Variants in IDO2 observed in about 807,000 individuals in gnomAD.
IDO2 encodes indoleamine 2,3-dioxygenase-like 1 protein.
IDO2 carries 46 observed loss-of-function variants against 45.1 expected under a neutral mutation model. The observed-to-expected ratio is 1.02, with a 90% CI of 0.80 to 1.30. IDO2 has a LOEUF of 1.30. IDO2 is among the 50% of genes most tolerant of loss of function. The pLI is 0.00. For missense variants in IDO2, 544 were observed against 491.8 expected, an observed-to-expected ratio of 1.11 and a Z score of -1.00; for synonymous variants, 218 against 184.9, an observed-to-expected ratio of 1.18 and a Z score of -1.45.
chr8:39,960,193 G>T (rs1028634678), intron 2 of IDO2, among the ~76,000 whole-genome samples: 1 of 152,050 alleles, frequency 6.6e-6, no homozygotes, highest in African/African-American at 2.4e-5. Flanking sequence ...CTATGTTTAG[G>T]TTGAGGTCCC....
intron 1 of IDO2, among the ~76,000 whole-genome samples, chr8:39,938,343 T>C (rs2129592856): frequency 6.6e-6 from 1 of 152,268 alleles, no homozygotes; most frequent in Non-Finnish European, 1.5e-5. Flanking sequence ...ATTTTGTATA[T>C]AAATGAATTT....
intron 2 of IDO2, among the ~76,000 whole-genome samples, chr8:39,962,565 C>G (rs895025539): frequency 7.2e-5 from 11 of 152,166 alleles, no homozygotes; most frequent in Admixed American, 5.9e-4. Context: ...GATCTTGTCT[C>G]ATGACCAGGA....
At chr8:39,957,757 T>C (rs2729488) in intron 2 of IDO2, among the ~76,000 whole-genome samples, 2,636 of 152,340 alleles carry the variant, frequency 0.017, 76 homozygotes, top group African/African-American at 0.059. Flanking sequence ...TCAGAACAGC[T>C]TCTTTCCATC....
At chr8:39,993,294 C>T (rs1801975136) in intron 8 of IDO2, among the ~76,000 whole-genome samples, 1 of 151,308 alleles carries the variant, frequency 6.6e-6, no homozygotes, top group Non-Finnish European at 1.5e-5. Flanking sequence ...TAATGTTCTT[C>T]TTGGAAAAGG....
chr8:39,970,806 C>A (rs151330623), intron 3 of IDO2, among the ~76,000 whole-genome samples: 1 of 136,854 alleles, frequency 7.3e-6, no homozygotes. Flanking sequence ...CTCACTCTGT[C>A]GCCAGGCTGG....
chr8:39,996,959 G>A (rs1168467817), intron 8 of IDO2, among the ~76,000 whole-genome samples: 1 of 152,176 alleles, frequency 6.6e-6, no homozygotes, highest in East Asian at 1.9e-4. Context: ...AAGTTTAATA[G>A]GGCAGACAAT....
chr8:40,004,391 T>A (rs998805852), intron 8 of IDO2, among the ~76,000 whole-genome samples: 1 of 152,092 alleles, frequency 6.6e-6, no homozygotes, highest in Non-Finnish European at 1.5e-5. Context: ...ACATAAAAGA[T>A]GTAGATAAAT....
At chr8:39,986,426 A>T (rs1808423690) in intron 6 of IDO2, 1 of 152,190 alleles carries the variant, frequency 6.6e-6, no homozygotes, top group South Asian at 2.1e-4. Flanking sequence ...AGGTGAAGAC[A>T]TCATTTCCCA....
chr8:40,001,176 C>G (rs1394792538), intron 8 of IDO2, among the ~76,000 whole-genome samples: 3 of 150,862 alleles, frequency 2.0e-5, no homozygotes, highest in East Asian at 3.9e-4. Flanking sequence ...TTCTTTCTCT[C>G]TCTCTCTCTC....
chr8:39,977,277 A>G (rs552819758), intron 3 of IDO2, among the ~76,000 whole-genome samples: 1 of 152,374 alleles, frequency 6.6e-6, no homozygotes, highest in Admixed American at 6.5e-5. Flanking sequence ...GAATAAAACA[A>G]AAATGCCAAT....
rs946722241 is a variant in IDO2 at position 39,995,489 on chromosome 8, C to G, written c.667+5651C>G. The stretch of plus-strand genomic sequence containing the variant: ...TAGGGATGGGGTTTCACCATGTTGG[C>G]CAGGCTAGTCTCTAACTCCTGACCT... On this transcript the variant is annotated intron_variant, in intron 8 of 10. Transcript: ENST00000502986. Among the ~76,000 whole-genome samples, 26 of 151,798 alleles carry G rather than the reference C, an allele frequency of 1.7e-4. No individual in the cohort carries two copies. The East Asian group carries it at 4.9e-3, about 28-fold the overall frequency.
At chr8:40,007,452 T>G (rs1585421253) in intron 9 of IDO2, among the ~76,000 whole-genome samples, 1 of 151,914 alleles carries the variant, frequency 6.6e-6, no homozygotes, top group Admixed American at 6.6e-5. Context: ...GGGTGTATGG[T>G]TTATGGGGGA....
chr8:40,013,860 C>T, intron 10 of IDO2, 147 bp downstream of exon 10: 1 of 602,642 alleles, frequency 1.7e-6, no homozygotes, highest in Non-Finnish European at 2.7e-6. Flanking sequence ...GCATGACTGC[C>T]AATGTTTTTG....
At chr8:39,955,730 C>T (rs1807882633) in intron 2 of IDO2, among the ~76,000 whole-genome samples, 1 of 152,180 alleles carries the variant, frequency 6.6e-6, no homozygotes, top group Non-Finnish European at 1.5e-5. Flanking sequence ...GTCCCACCCT[C>T]TTTAGAAGTA....
intron 3 of IDO2, among the ~76,000 whole-genome samples, chr8:39,971,315 C>T (rs570313087): frequency 1.3e-5 from 2 of 152,292 alleles, no homozygotes; most frequent in South Asian, 2.1e-4. Flanking sequence ...ACTGTTGCGA[C>T]CTACTGCTCA....
chr8:39,941,318 G>A (rs1453367352), intron 1 of IDO2, among the ~76,000 whole-genome samples: 1 of 151,714 alleles, frequency 6.6e-6, no homozygotes, highest in South Asian at 2.1e-4. Flanking sequence ...AGAAGTAGTG[G>A]TGACTGTCAA....
At chr8:39,941,447 A>G (rs1344386686) in intron 1 of IDO2, among the ~76,000 whole-genome samples, 1 of 152,158 alleles carries the variant, frequency 6.6e-6, no homozygotes, top group Non-Finnish European at 1.5e-5. Context: ...AAAGGTGCTT[A>G]GGGGTCAGAT....
At chr8:39,946,321 C>T (rs1807729028) in intron 1 of IDO2, among the ~76,000 whole-genome samples, 1 of 152,222 alleles carries the variant, frequency 6.6e-6, no homozygotes, top group Non-Finnish European at 1.5e-5. Context: ...TCCTTAAAAA[C>T]TCTGCTCCCA....
chr8:39,950,337 G>A (rs886611449), intron 2 of IDO2, among the ~76,000 whole-genome samples: 1 of 152,120 alleles, frequency 6.6e-6, no homozygotes, highest in African/African-American at 2.4e-5. Context: ...TTCAAGACCA[G>A]GTTGATCAAC....
Sources: gnomAD v4.1 joint callset for allele counts (sites outside exome capture counted in the v4.1 genomes callset) on GRCh38, gnomAD v4.1.1 for gene constraint, MANE v1.5 for transcripts, NCBI Gene and HGNC (gene_info 2026-07-23, HGNC 2026-07-21) for gene names.